STXBP4: variants seen among roughly 807,000 people sequenced by gnomAD.
The protein encoded by STXBP4 is syntaxin-binding protein 4.
Under a neutral mutation model 76.1 loss-of-function variants are expected in STXBP4, and 55 were observed. The ratio of observed to expected loss-of-function variants is 0.72; its 90% CI spans 0.58 to 0.91. STXBP4 has a LOEUF of 0.91. Among genes scored for constraint, STXBP4 ranks in the 40% least tolerant of loss-of-function variants. The pLI, the probability that STXBP4 is intolerant of heterozygous loss-of-function variation, is 0.00. For missense variants in STXBP4, 618 were observed against 636.9 expected (o/e 0.97, Z 0.32); for synonymous variants, 201 against 220.2 (o/e 0.91, Z 0.77).
intron 16 of STXBP4, among the ~76,000 whole-genome samples, chr17:55,136,000 C>T (rs1176963214): frequency 2.0e-5 from 3 of 152,146 alleles, no homozygotes; most frequent in Non-Finnish European, 2.9e-5. Flanking sequence ...ACTGCACTAT[C>T]AGCAGTGTGA....
chr17:55,210,509 T>A, the STXBP4 span, among the ~76,000 whole-genome samples: 7 of 152,222 alleles, frequency 4.6e-5, no homozygotes, highest in African/African-American at 1.7e-4. Context: ...CTTCTCTTGA[T>A]AAAGTTCAAA....
At position 55,049,805 on chromosome 17, in the gene STXBP4, C is replaced by T. The variant is rs906906284; in HGVS notation, c.1011+2651C>T. ...AAAAATATAGTTTGCCAAAACTGAC[C>T]GGAGTAAAGATAGAAAGCCTAAAAG... is the stretch of plus-strand genomic sequence containing the variant. On this transcript the variant is annotated intron_variant, in intron 12 of 17. Transcript: ENST00000376352. Among the ~76,000 whole-genome samples, 10 of 151,562 alleles carry T rather than the reference C, an allele frequency of 6.6e-5. No individual in the cohort carries two copies. In the East Asian group the frequency reaches 7.7e-4, roughly 12 times the overall value.
At chr17:55,183,458 GA>G in the STXBP4 span, among the ~76,000 whole-genome samples, 1 of 151,990 alleles carries the variant, frequency 6.6e-6, no homozygotes, top group Non-Finnish European at 1.5e-5. Context: ...CAAGAAACAA[GA>G]AATATGTACA....
chr17:55,091,137 C>T (rs1455689636), intron 16 of STXBP4, among the ~76,000 whole-genome samples: 2 of 151,920 alleles, frequency 1.3e-5, no homozygotes, highest in Non-Finnish European at 2.9e-5. Flanking sequence ...TTAAAAAATC[C>T]CTCCAGTTTA....
chr17:55,113,434 C>T (rs1567768222), intron 16 of STXBP4, among the ~76,000 whole-genome samples: 1 of 152,060 alleles, frequency 6.6e-6, no homozygotes, highest in Non-Finnish European at 1.5e-5. Flanking sequence ...GATCCTGTAA[C>T]ATATGTTAAA....
chr17:55,204,489 A>G, the STXBP4 span, among the ~76,000 whole-genome samples: 1 of 152,114 alleles, frequency 6.6e-6, no homozygotes, highest in Non-Finnish European at 1.5e-5. Context: ...TGAACTCTAA[A>G]TATTGTGTGT....
intron 16 of STXBP4, among the ~76,000 whole-genome samples, chr17:55,083,971 A>T (rs1189517087): frequency 6.6e-6 from 1 of 152,144 alleles, no homozygotes; most frequent in Non-Finnish European, 1.5e-5. Flanking sequence ...AGAAGTTATT[A>T]TTGTGGCCAT....
At chr17:55,204,656 A>G in the STXBP4 span, among the ~76,000 whole-genome samples, 14 of 152,054 alleles carry the variant, frequency 9.2e-5, no homozygotes, top group African/African-American at 3.4e-4. Flanking sequence ...AATTTTTAGC[A>G]ATGTCTCTCC....
In STXBP4 at chr17:55,165,917, CA is replaced by C. The variant is rs1395681535; in HGVS notation, c.*6007del. The C allele has an allele frequency of 1.3e-5, 2 of 152,254 alleles. No homozygotes were observed. The highest frequency in any genetic ancestry group is 2.9e-5 in the Non-Finnish European group (2 of 68,070). The allele number at this position is 152,254 out of a possible 1,614,324, so 9.4% of individuals were successfully genotyped here. A position where few individuals can be genotyped will look rare whatever the true frequency, so the allele number is the denominator to read the frequency against. On this transcript the variant is annotated 3_prime_UTR_variant, in exon 18 of 18. Transcript: ENST00000376352. ...GCTGGCATCTTGATCGTACACTTCC[CA>C]GCCTCCAGAGCTGTGAACAATACAT...
At chr17:55,037,267 C>A (rs2078619257) in intron 10 of STXBP4, among the ~76,000 whole-genome samples, 1 of 152,110 alleles carries the variant, frequency 6.6e-6, no homozygotes, top group South Asian at 2.1e-4. Flanking sequence ...CCAAACAGTT[C>A]TCAGAGCTGC....
intron 16 of STXBP4, among the ~76,000 whole-genome samples, chr17:55,137,935 G>GT (rs1567778504): frequency 1.3e-5 from 2 of 152,024 alleles, no homozygotes; most frequent in African/African-American, 4.8e-5. Flanking sequence ...GATGAACATG[G>GT]TATCTCATAA....
the STXBP4 span, among the ~76,000 whole-genome samples, chr17:55,189,688 C>T: frequency 6.6e-6 from 1 of 152,224 alleles, no homozygotes. Context: ...TATCAGTCCT[C>T]TCTGACATTG....
chr17:55,012,600 T>A, intron 8 of STXBP4, among the ~76,000 whole-genome samples: 1 of 152,184 alleles, frequency 6.6e-6, no homozygotes, highest in Non-Finnish European at 1.5e-5. Context: ...CTCATGGGCA[T>A]GGAGGACTAG....
intron 16 of STXBP4, among the ~76,000 whole-genome samples, chr17:55,091,205 G>A (rs2079409391): frequency 6.6e-6 from 1 of 152,124 alleles, no homozygotes; most frequent in Non-Finnish European, 1.5e-5. Context: ...ATCCACTACA[G>A]GTGGGGAATA....
chr17:55,074,850 T>G (rs1285131170), intron 13 of STXBP4, among the ~76,000 whole-genome samples: 1 of 151,962 alleles, frequency 6.6e-6, no homozygotes, highest in African/African-American at 2.4e-5. Flanking sequence ...CATCTCAACA[T>G]TCAACATTTT....
chr17:55,046,432 G>T (rs961476132), intron 11 of STXBP4, among the ~76,000 whole-genome samples: 1 of 151,862 alleles, frequency 6.6e-6, no homozygotes, highest in African/African-American at 2.4e-5. Flanking sequence ...GTTCAGGTTT[G>T]TATTTAATGG....
At position 55,081,131 on chromosome 17, in the gene STXBP4, G is replaced by A. The variant is rs8069999; in HGVS notation, c.1437G>A (p.Ala479=). The A allele has an allele frequency of 0.22, 336,932 of 1,548,552 alleles. 38,182 individuals are homozygous for A. Among genetic ancestry groups the A allele is most frequent in the Middle Eastern group, 0.35 (2,082 of 5,874 alleles). ...RNGRSIPATL[A]LESKELVKSV... ...GACGTAGCATCCCAGCAACGCTGGC[G>A]CTTGAATCTAAGGAACTTGTTAAAT... The change falls in exon 16 of 18, where the codon GCG becomes GCA. Residue 479 remains alanine, a synonymous_variant. Transcript: ENST00000376352.
rs181872078 is a variant in STXBP4, at chr17:54,984,115, C to T, written c.-156-1499C>T. 1.4e-4 allele frequency among the ~76,000 whole-genome samples: 21 copies of T among 152,188 alleles called. No homozygotes were observed. The East Asian group carries it at 4.1e-3, about 29-fold the overall frequency. The stretch of plus-strand genomic sequence containing the variant: ...TCGAAATGTGTTTTTACCACCCAGA[C>T]CAGTGAATACATTGCTATGTTAGGG... On this transcript the variant is annotated intron_variant, in intron 1 of 17. Transcript: ENST00000376352.
intron 8 of STXBP4, chr17:55,030,951 AG>A (rs1172916109): frequency 2.4e-6 from 1 of 424,614 alleles, no homozygotes; most frequent in African/African-American, 2.0e-5. Context: ...TATTAGCTAA[AG>A]TGCTAGTCTT....
Sources: allele counts gnomAD v4.1 joint callset (sites outside exome capture counted in the v4.1 genomes callset), GRCh38; gene constraint gnomAD v4.1.1; transcripts MANE v1.5; gene names NCBI Gene and HGNC (gene_info 2026-07-23, HGNC 2026-07-21).